The following GTF2B variants were observed in gnomAD, a reference collection of about 807,000 sequenced individuals.
GTF2B encodes general transcription factor IIB.
GTF2B carries 20 observed loss-of-function variants against 34.6 expected under a neutral mutation model. The ratio of observed to expected loss-of-function variants is 0.58; its 90% confidence interval spans 0.41 to 0.84. GTF2B has a LOEUF of 0.84. Ranked by LOEUF, GTF2B falls within the 40% of genes least tolerant of loss-of-function variation. GTF2B has a pLI of 0.00. For missense variants in GTF2B, 237 were observed against 393.3 expected (o/e 0.60, Z 3.36); for synonymous variants, 142 against 132.4 (o/e 1.07, Z -0.50).
chr1:88,853,282 A>G lies in GTF2B; in HGVS notation c.882T>C (p.Pro294=). 2 of 1,610,624 alleles carry G rather than the reference A, an allele frequency of 1.2e-6. No homozygotes were observed. The highest frequency in any genetic ancestry group is 1.7e-6 in the Non-Finnish European group (2 of 1,176,842). The change falls in exon 7 of 7, where the codon CCT becomes CCC. Residue 294 remains proline (P), a synonymous_variant. Transcript: ENST00000370500. ...TIRQSYRLIY[P]RAPDLFPTDF... ...CTGTAGGAAACAGATCTGGGGCTCG[A>G]GGATAGATCAGTCTATAGGACTGTC...
chr1:88,864,024 T>C lies in GTF2B; in HGVS notation c.215A>G (p.Asn72Ser). Residue 72 changes from asparagine to serine, a missense_variant, in exon 3 of 7, where the codon AAT becomes AGT. Around this residue, in one of 3 missense-constraint regions of GTF2B, gnomAD observed 130 missense variants for 170.9 expected, o/e 0.76. Transcript: ENST00000370500. The stretch of plus-strand genomic sequence containing the variant: ...CAAATCTCCATCACTCAGAAGAGGA[T>C]TCTGAGAATCTCCAACTCGAGATGG... ...KDPSRVGDSQ[N>S]PLLSDGDLST... The C allele has an allele frequency of 6.2e-7, 1 of 1,613,934 alleles. No homozygotes were observed. The highest frequency in any genetic ancestry group is 8.5e-7 in the Non-Finnish European group (1 of 1,179,778).
intron 3 of GTF2B, 80 bp from the exon 4 acceptor site, chr1:88,860,366 CA>C: frequency 1.0e-6 from 1 of 984,978 alleles, no homozygotes; most frequent in Non-Finnish European, 1.6e-6. Flanking sequence ...ATATAGCTTA[CA>C]AGATCTGATT....
chr1:88,860,262 C>T lies in GTF2B; in HGVS notation c.283G>A (p.Glu95Lys), dbSNP rs779074866. 6.2e-6 allele frequency: 10 copies of T among 1,613,848 alleles called. No individual in the cohort carries two copies. In the East Asian group the frequency reaches 1.1e-4, roughly 18 times the overall value. ...GKGTGAASFD[E>K]FGNSKYQNRR... ...TTCTGGTACTTAGAATTGCCAAATT[C>T]GTCAAAACTTGCAGCTCCTGTGCCC... is the stretch of plus-strand genomic sequence containing the variant. The change falls in exon 4 of 7, where the codon GAA (glutamate) becomes AAA (lysine). Residue 95 changes from glutamate to lysine, a missense_variant. Glu to Lys is a moderately conservative substitution (Grantham distance 56). Coordinates refer to ENST00000370500, the MANE Select transcript of GTF2B (RefSeq NM_001514.6).
chr1:88,890,250 G>A (rs1674169548), intron 1 of GTF2B, among the ~76,000 whole-genome samples: 1 of 151,580 alleles, frequency 6.6e-6, no homozygotes, highest in Non-Finnish European at 1.5e-5. Context: ...GGCCTTACCC[G>A]ACAGAACAAC....
chr1:88,886,962 G>C (rs532091286), intron 2 of GTF2B, among the ~76,000 whole-genome samples: 4 of 151,124 alleles, frequency 2.6e-5, no homozygotes, highest in Admixed American at 1.3e-4. Flanking sequence ...TCTGTTGCTC[G>C]GGCTAGAGTG....
Position 88,857,302 on chromosome 1 carries a change from C to A in GTF2B, c.721G>T (p.Glu241Ter). The change falls in exon 6 of 7, where the codon GAA (glutamate) becomes TAA (stop). Residue 241 changes from glutamate to a stop codon, truncating the protein, a stop_gained. Transcript: ENST00000370500. LOFTEE classifies it high-confidence loss of function. ...CTCCTCCCAGGAACCAAGTCCAGTT[C>A]CACAGCTTTACGGGCTATATGTGTA... Reference protein sequence around the residue: ...AATHIARKAVELDLVPGRSPI... With the variant: ...AATHIARKAV The A allele has an allele frequency of 6.2e-7, 1 of 1,613,630 alleles. No homozygotes were observed. Among genetic ancestry groups the A allele is most frequent in the Admixed American group, 1.7e-5 (1 of 60,014 alleles).
At chr1:88,879,639 G>T (rs1673890458) in intron 2 of GTF2B, among the ~76,000 whole-genome samples, 1 of 151,562 alleles carries the variant, frequency 6.6e-6, no homozygotes, top group South Asian at 2.1e-4. Flanking sequence ...ACACAGATGA[G>T]AGGGTGACAT....
chr1:88,891,507 G>A lies in GTF2B; in HGVS notation c.-8C>T, dbSNP rs754152304. The A allele has an allele frequency of 3.7e-6, 6 of 1,602,642 alleles. No individual in the cohort carries two copies. Among genetic ancestry groups the A allele is most frequent in the Non-Finnish European group, 4.3e-6 (5 of 1,174,252 alleles). On this transcript the variant is annotated 5_prime_UTR_variant, in exon 1 of 7. Coordinates refer to ENST00000370500, the MANE Select transcript of GTF2B (RefSeq NM_001514.6). ...CCGGCTGGTAGACGCCATCTTCACG[G>A]CGACTGCGGTGCCCGCAACAAGACA...
chr1:88,877,621 A>G (rs1330741388), intron 2 of GTF2B, among the ~76,000 whole-genome samples: 3 of 152,208 alleles, frequency 2.0e-5, no homozygotes, highest in Non-Finnish European at 2.9e-5. Flanking sequence ...AAACCCCCAC[A>G]AAAGAGTGCT....
intron 6 of GTF2B, among the ~76,000 whole-genome samples, chr1:88,853,556 G>C (rs988787114): frequency 6.6e-5 from 10 of 152,206 alleles, no homozygotes; most frequent in African/African-American, 2.4e-4. Context: ...TGTAATCCCA[G>C]CACTTTGGGA....
chr1:88,891,125 G>GGA, intron 1 of GTF2B, among the ~76,000 whole-genome samples: 1 of 142,924 alleles, frequency 7.0e-6, no homozygotes, highest in South Asian at 2.5e-4. Flanking sequence ...ACAAGCGGGG[G>GGA]GGGGGGCGCG....
intron 6 of GTF2B, among the ~76,000 whole-genome samples, chr1:88,853,793 A>G (rs1673242216): frequency 1.3e-5 from 2 of 152,216 alleles, no homozygotes. Flanking sequence ...AGAGAGCAAG[A>G]TTCCATCTCT....
At position 88,857,241 on chromosome 1, in the gene GTF2B, G is replaced by T. The variant is rs1338031442; in HGVS notation, c.782C>A (p.Ala261Asp). The T allele has an allele frequency of 6.2e-7, 1 of 1,613,928 alleles. No individual in the cohort carries two copies. The highest frequency in any genetic ancestry group is 8.5e-7 in the Non-Finnish European group (1 of 1,179,926). ...CCTCTTTTCAGCTGATGCCTGTGAG[G>T]CCATGTAAATAGCTGCCGCTGCCAC... ...ISVAAAAIYM[A>D]SQASAEKRTQ... The change falls in exon 6 of 7, where the codon GCC becomes GAC. Residue 261 changes from alanine (A) to aspartate (D), a missense_variant. This residue lies in a region of GTF2B where 78 missense variants were observed against 116.6 expected (regional missense o/e 0.67). Transcript: ENST00000370500.
rs1411809662 is a variant in GTF2B at position 88,853,065 on chromosome 1, T to G, written c.*148A>C. Reference sequence around the variant, plus strand: ...TAAATATGTTTCACTAGTATATACATACAGAATGCCAAGCAATAGTATTCA... The same window carrying G: ...TAAATATGTTTCACTAGTATATACAGACAGAATGCCAAGCAATAGTATTCA... On this transcript the variant is annotated 3_prime_UTR_variant, in exon 7 of 7. Transcript: ENST00000370500. 5 of 731,314 alleles carry G rather than the reference T, an allele frequency of 6.8e-6. No individual in the cohort carries two copies. Among genetic ancestry groups the G allele is most frequent in the Non-Finnish European group, 1.2e-5 (5 of 408,306 alleles). The allele number at this position is 731,314 out of a possible 1,614,324, so 45.3% of individuals were successfully genotyped here. A position where few individuals can be genotyped will look rare whatever the true frequency, so the allele number is the denominator to read the frequency against.
chr1:88,880,656 T>C (rs1274527331), intron 2 of GTF2B, among the ~76,000 whole-genome samples: 2 of 152,290 alleles, frequency 1.3e-5, no homozygotes, highest in East Asian at 3.9e-4. Flanking sequence ...AAGGATACTT[T>C]CTCCCACTTT....
intron 1 of GTF2B, among the ~76,000 whole-genome samples, chr1:88,890,634 T>A (rs1025615320): frequency 7.2e-5 from 11 of 152,164 alleles, no homozygotes; most frequent in South Asian, 4.1e-4. Context: ...AAAGTCAACA[T>A]TGGCATGACT....
chr1:88,876,673 C>CA (rs1009233628), intron 2 of GTF2B, among the ~76,000 whole-genome samples: 2 of 151,462 alleles, frequency 1.3e-5, no homozygotes, highest in African/African-American at 2.4e-5. Context: ...GACCCTGTCT[C>CA]AAAAAAAAGC....
intron 2 of GTF2B, among the ~76,000 whole-genome samples, chr1:88,883,402 GCTT>G: frequency 1.3e-5 from 2 of 152,226 alleles, no homozygotes; most frequent in East Asian, 3.9e-4. Context: ...GAAATATTCA[GCTT>G]CTATTTCTAA....
chr1:88,887,199 G>A (rs148985672), intron 2 of GTF2B, 62 bp downstream of exon 2: 12 of 1,071,638 alleles, frequency 1.1e-5, no homozygotes, highest in Middle Eastern at 2.0e-4. Flanking sequence ...AATTACAGGC[G>A]TGAGCCACCA....
Sources: gnomAD v4.1 joint callset for allele counts (sites outside exome capture counted in the v4.1 genomes callset) on GRCh38, gnomAD v4.1.1 for gene constraint, gnomAD v4.1.1 regional missense constraint, MANE v1.5 for transcripts, NCBI Gene and HGNC (gene_info 2026-07-23, HGNC 2026-07-21) for gene names.